SLC39A11: variants seen among roughly 807,000 people sequenced by gnomAD.
The protein encoded by SLC39A11 is solute carrier family 39 member 11.
In SLC39A11, 33 loss-of-function variants were observed where a neutral mutation model predicts 36.1. The observed-to-expected ratio is 0.91, with a 90% CI of 0.69 to 1.22. The LOEUF (loss-of-function observed/expected upper bound fraction) is 1.22, where lower values mean the gene tolerates loss of function less well. Among genes scored for constraint, SLC39A11 ranks in the 50% most tolerant of loss-of-function variants. SLC39A11 has a pLI of 0.00. For missense variants in SLC39A11, 432 were observed against 430.3 expected (o/e 1.00, Z -0.03); for synonymous variants, 166 against 170.3 (o/e 0.97, Z 0.20).
intron 7 of SLC39A11, among the ~76,000 whole-genome samples, chr17:72,735,414 G>A (rs777438015): frequency 7.9e-5 from 12 of 152,104 alleles, no homozygotes; most frequent in Non-Finnish European, 1.6e-4. Context: ...TGAGAAATTC[G>A]TTTCTGACAG....
chr17:73,065,743 T>A (rs2059979814), intron 3 of SLC39A11, among the ~76,000 whole-genome samples: 1 of 152,212 alleles, frequency 6.6e-6, no homozygotes, highest in African/African-American at 2.4e-5. Context: ...AAGGTTTTAC[T>A]TCTCTGCCGC....
chr17:73,003,613 G>A (rs2089956051), intron 4 of SLC39A11, among the ~76,000 whole-genome samples: 1 of 152,168 alleles, frequency 6.6e-6, no homozygotes, highest in Non-Finnish European at 1.5e-5. Flanking sequence ...TGAGAAAAGG[G>A]GAAGGGAACT....
intron 4 of SLC39A11, among the ~76,000 whole-genome samples, chr17:72,981,637 G>T (rs1038197924): frequency 6.8e-6 from 1 of 146,118 alleles, no homozygotes; most frequent in African/African-American, 2.5e-5. Context: ...AAAAAAATAG[G>T]TATTTTTAAT....
chr17:73,047,246 G>A (rs893728043), intron 3 of SLC39A11, among the ~76,000 whole-genome samples: 2 of 151,588 alleles, frequency 1.3e-5, no homozygotes, highest in African/African-American at 4.8e-5. Context: ...GGATGGTCTC[G>A]ATCTCCTGAC....
intron 6 of SLC39A11, among the ~76,000 whole-genome samples, chr17:72,759,431 A>T (rs973266032): frequency 1.3e-5 from 2 of 152,218 alleles, no homozygotes; most frequent in East Asian, 3.8e-4. Flanking sequence ...AGAGCAGGAG[A>T]ATACAAAGGA....
rs1447447061 is a variant in SLC39A11, at chr17:73,088,721, G to T, written c.44C>A (p.Thr15Asn). The change falls in exon 2 of 10, where the codon ACC becomes AAC. Residue 15 changes from threonine (T) to asparagine (N), a missense_variant. Transcript: ENST00000255559. ...TGCTGTCATCCCCCAGGTGAAGAAG[G>T]TCCCCAGCAAGGCCTGGAACACAGA... ...HSSVFQALLG[T>N]FFTWGMTAAG... 1 of 1,612,168 alleles carries T rather than the reference G, an allele frequency of 6.2e-7. No individual in the cohort carries two copies. Among genetic ancestry groups the T allele is most frequent in the East Asian group, 2.2e-5 (1 of 44,802 alleles).
chr17:73,041,572 A>G (rs1253858302), intron 3 of SLC39A11, among the ~76,000 whole-genome samples: 4 of 152,248 alleles, frequency 2.6e-5, no homozygotes, highest in Admixed American at 1.3e-4. Flanking sequence ...CCAGGCTGAA[A>G]ACAGGAGAAA....
At chr17:72,906,266 G>A (rs1465175937) in intron 5 of SLC39A11, among the ~76,000 whole-genome samples, 2 of 152,234 alleles carry the variant, frequency 1.3e-5, no homozygotes, top group Admixed American at 1.3e-4. Flanking sequence ...AGGAGTCCAC[G>A]GGAGAAGAGG....
At chr17:72,881,571 GTCAT>G (rs1248337089) in intron 5 of SLC39A11, among the ~76,000 whole-genome samples, 1 of 152,118 alleles carries the variant, frequency 6.6e-6, no homozygotes, top group African/African-American at 2.4e-5. Context: ...TATGATATAT[GTCAT>G]TTCCCAAACT....
At chr17:73,040,237 T>G (rs1054616584) in intron 3 of SLC39A11, among the ~76,000 whole-genome samples, 5 of 152,190 alleles carry the variant, frequency 3.3e-5, no homozygotes, top group African/African-American at 7.2e-5. Flanking sequence ...TCCCATGACT[T>G]CCTTAGAAGT....
At chr17:73,033,387 G>A (rs2058801564) in intron 3 of SLC39A11, among the ~76,000 whole-genome samples, 3 of 152,190 alleles carry the variant, frequency 2.0e-5, no homozygotes, top group Admixed American at 6.5e-5. Context: ...AAAAAATTAG[G>A]CTAGTCTCAA....
At chr17:73,037,716 C>G (rs1193634099) in intron 3 of SLC39A11, among the ~76,000 whole-genome samples, 1 of 152,202 alleles carries the variant, frequency 6.6e-6, no homozygotes, top group Non-Finnish European at 1.5e-5. Context: ...TAATCAGCTT[C>G]AACACACATG....
intron 5 of SLC39A11, among the ~76,000 whole-genome samples, chr17:72,937,887 C>G (rs887526573): frequency 2.7e-4 from 41 of 152,162 alleles, no homozygotes; most frequent in African/African-American, 9.2e-4. Flanking sequence ...CCATATCATG[C>G]ACTTCTCTCC....
At chr17:72,820,262 G>C (rs1240270431) in intron 6 of SLC39A11, among the ~76,000 whole-genome samples, 2 of 151,286 alleles carry the variant, frequency 1.3e-5, no homozygotes, top group Non-Finnish European at 3.0e-5. Flanking sequence ...TCTGGATGTT[G>C]AAACTGTCTT....
At chr17:73,036,349 C>T (rs1029487284) in intron 3 of SLC39A11, among the ~76,000 whole-genome samples, 3 of 152,198 alleles carry the variant, frequency 2.0e-5, no homozygotes, top group African/African-American at 7.2e-5. Context: ...CCACTATCAA[C>T]ATCACACCAC....
At chr17:72,781,806 C>T (rs374568743) in intron 6 of SLC39A11, among the ~76,000 whole-genome samples, 9 of 151,060 alleles carry the variant, frequency 6.0e-5, no homozygotes, top group African/African-American at 2.2e-4. Flanking sequence ...AGAGCAGATG[C>T]AAGACGCTTT....
chr17:72,760,993 C>T (rs2075554277), intron 6 of SLC39A11, among the ~76,000 whole-genome samples: 1 of 152,224 alleles, frequency 6.6e-6, no homozygotes, highest in African/African-American at 2.4e-5. Flanking sequence ...ACAGCCATCT[C>T]ATCACCTGTT....
intron 4 of SLC39A11, among the ~76,000 whole-genome samples, chr17:72,958,091 A>G (rs1231736764): frequency 6.6e-6 from 1 of 152,254 alleles, no homozygotes; most frequent in Non-Finnish European, 1.5e-5. Flanking sequence ...TCTTCTACAA[A>G]GCCAACAAAA....
At chr17:72,920,133 G>A (rs970313183) in intron 5 of SLC39A11, among the ~76,000 whole-genome samples, 3 of 151,916 alleles carry the variant, frequency 2.0e-5, no homozygotes, top group Admixed American at 1.3e-4. Context: ...CACCAAACAC[G>A]GCCAGAACCA....
Sources: allele counts gnomAD v4.1 joint callset (sites outside exome capture counted in the v4.1 genomes callset), GRCh38; gene constraint gnomAD v4.1.1; transcripts MANE v1.5; gene names NCBI Gene and HGNC (gene_info 2026-07-23, HGNC 2026-07-21).